SLC1A7: variants seen among roughly 807,000 people sequenced by gnomAD.
SLC1A7 encodes excitatory amino acid transporter 5.
In SLC1A7, 40 loss-of-function variants were observed where a neutral mutation model predicts 47.7. That is an observed-to-expected ratio of 0.84 (90% CI 0.65 to 1.09). The LOEUF is 1.09. Among genes scored for constraint, SLC1A7 ranks in the 50% least tolerant of loss-of-function variants. The pLI is 0.00. For missense variants in SLC1A7, 746 were observed against 769.5 expected, an observed-to-expected ratio of 0.97 and a Z score of 0.36; for synonymous variants, 323 against 325.6, an observed-to-expected ratio of 0.99 and a Z score of 0.09.
At chr1:53,092,905 G>A (rs916520924) in intron 6 of SLC1A7, 118 bp from the exon 7 acceptor site, 3 of 553,188 alleles carry the variant, frequency 5.4e-6, no homozygotes, top group Admixed American at 6.9e-5. Flanking sequence ...CGAGGACAGA[G>A]CGAGACTGCC....
At chr1:53,124,154 G>T (rs1679970) in intron 2 of SLC1A7, among the ~76,000 whole-genome samples, 150,102 of 152,324 alleles carry the variant, frequency 0.99, 73,996 homozygotes, top group Middle Eastern at 1. Context: ...GGAGAAGGGA[G>T]TGTTGAGTTT....
chr1:53,095,208 G>T (rs72670853), intron 5 of SLC1A7, among the ~76,000 whole-genome samples: 2 of 150,558 alleles, frequency 1.3e-5, no homozygotes, highest in African/African-American at 2.5e-5. Flanking sequence ...ACAGACGCAG[G>T]TGCACATAGA....
At chr1:53,119,507 C>A (rs1298195852) in intron 2 of SLC1A7, among the ~76,000 whole-genome samples, 1 of 152,110 alleles carries the variant, frequency 6.6e-6, no homozygotes, top group Non-Finnish European at 1.5e-5. Flanking sequence ...CGACACCATG[C>A]CTGGCTAATT....
At chr1:53,093,637 T>G in intron 5 of SLC1A7, 77 bp from the exon 6 acceptor site, 2 of 1,153,376 alleles carry the variant, frequency 1.7e-6, no homozygotes, top group Non-Finnish European at 2.5e-6. Context: ...CATGGCTGGC[T>G]TCCCAGCAGC....
chr1:53,105,792 A>C lies in SLC1A7; in HGVS notation c.432-18T>G, dbSNP rs1644634539. On this transcript the variant is annotated intron_variant, in intron 3 of 10. Coordinates refer to ENST00000371494, the MANE Select transcript of SLC1A7 (RefSeq NM_006671.6). ...ACATGTTCCTAGGAAGAGAATCAGCAATTGAAAAATTCCAGAGCCCAGGAC... is the reference window on the plus strand; with the variant it reads ...ACATGTTCCTAGGAAGAGAATCAGCCATTGAAAAATTCCAGAGCCCAGGAC... The C allele has an allele frequency of 1.9e-6, 3 of 1,611,944 alleles. No individual in the cohort carries two copies. Among genetic ancestry groups the C allele is most frequent in the African/African-American group, 2.7e-5 (2 of 74,750 alleles).
At chr1:53,133,294 A>C (rs1644959344) in intron 2 of SLC1A7, among the ~76,000 whole-genome samples, 1 of 152,224 alleles carries the variant, frequency 6.6e-6, no homozygotes, top group Non-Finnish European at 1.5e-5. Context: ...GAGTGAGTTG[A>C]GGAGTCAGGG....
intron 3 of SLC1A7, 110 bp downstream of exon 3, chr1:53,114,648 T>TGGACTCCGTGATCAC (rs1405540197): frequency 4.3e-4 from 382 of 885,576 alleles, no homozygotes; most frequent in Non-Finnish European, 6.2e-4. Context: ...AGGGTGATCA[T>TGGACTCCGTGATCAC]GGACTCCGTG....
At chr1:53,090,995 G>T in intron 7 of SLC1A7, 189 bp from the exon 8 acceptor site, 1 of 1,464,456 alleles carries the variant, frequency 6.8e-7, no homozygotes, top group Non-Finnish European at 9.1e-7. Flanking sequence ...TATGAGGGAG[G>T]TGTTTGGGTG....
At chr1:53,092,428 G>T in intron 7 of SLC1A7, 126 bp downstream of exon 7, 2 of 715,234 alleles carry the variant, frequency 2.8e-6, no homozygotes, top group Non-Finnish European at 4.8e-6. Context: ...AGCCGTCCCC[G>T]CATTTGTGAG....
intron 7 of SLC1A7, among the ~76,000 whole-genome samples, chr1:53,091,434 C>T (rs769917638): frequency 6.6e-6 from 1 of 152,244 alleles, no homozygotes; most frequent in Non-Finnish European, 1.5e-5. Context: ...GAGCTCCAGA[C>T]CTGCTGGGCT....
intron 7 of SLC1A7, 45 bp downstream of exon 7, chr1:53,092,509 C>T (rs1227951787): frequency 3.6e-6 from 5 of 1,399,570 alleles, no homozygotes; most frequent in East Asian, 4.7e-5. Context: ...GGACAGGGCT[C>T]AGCCCCTCCC....
intron 2 of SLC1A7, among the ~76,000 whole-genome samples, chr1:53,118,815 C>A (rs574583337): frequency 6.6e-6 from 1 of 152,020 alleles, no homozygotes; most frequent in Non-Finnish European, 1.5e-5. Flanking sequence ...CTGACCAACA[C>A]GGTGAAGCCC....
chr1:53,128,650 C>T (rs1186832027), intron 2 of SLC1A7, among the ~76,000 whole-genome samples: 1 of 142,546 alleles, frequency 7.0e-6, no homozygotes, highest in Non-Finnish European at 1.6e-5. Context: ...TCAGGTGAAG[C>T]AGGGCATGCT....
chr1:53,125,865 T>C (rs1488505115), intron 2 of SLC1A7, among the ~76,000 whole-genome samples: 4 of 152,184 alleles, frequency 2.6e-5, no homozygotes, highest in African/African-American at 9.7e-5. Context: ...AAGCTTCCAC[T>C]GAATGAAATA....
chr1:53,134,044 G>A (rs569442175), intron 2 of SLC1A7, among the ~76,000 whole-genome samples: 30 of 152,268 alleles, frequency 2.0e-4, no homozygotes, highest in African/African-American at 7.2e-4. Flanking sequence ...ACCATGAACA[G>A]CCCCTCCTCT....
chr1:53,095,750 G>A (rs568595181), intron 5 of SLC1A7, among the ~76,000 whole-genome samples: 2 of 143,656 alleles, frequency 1.4e-5, no homozygotes, highest in African/African-American at 5.3e-5. Flanking sequence ...CAACTGCCTC[G>A]GTACACTCAC....
At chr1:53,105,835 T>C (rs1644635082) in intron 3 of SLC1A7, 61 bp from the exon 4 acceptor site, 2 of 1,450,928 alleles carry the variant, frequency 1.4e-6, no homozygotes, top group Admixed American at 3.4e-5. Flanking sequence ...CCCTGGGGGT[T>C]GTGGCCTTGG....
intron 1 of SLC1A7, among the ~76,000 whole-genome samples, chr1:53,136,520 C>T (rs982144385): frequency 9.5e-6 from 1 of 105,552 alleles, no homozygotes; most frequent in Non-Finnish European, 2.0e-5. Flanking sequence ...TAACTTTAGT[C>T]CATATATTTA....
In SLC1A7 at chr1:53,103,512, G is replaced by A; in HGVS notation, c.531C>T (p.Ala177=). ...VKSPKVAPEE[A]PPRRILIYGV... ...CGTAGATGAGGATCCGCCGAGGAGG[G>A]GCCTCCTCTGGTGCCACCTTGGGGG... Residue 177 remains alanine (A), a synonymous_variant, in exon 5 of 11, where the codon GCC becomes GCT. Transcript: ENST00000371494. The A allele has an allele frequency of 6.2e-7, 1 of 1,612,244 alleles. No homozygotes were observed. Among genetic ancestry groups the A allele is most frequent in the Non-Finnish European group, 8.5e-7 (1 of 1,179,062 alleles).
Sources: gnomAD v4.1 joint callset for allele counts (sites outside exome capture counted in the v4.1 genomes callset) on GRCh38, gnomAD v4.1.1 for gene constraint, MANE v1.5 for transcripts, NCBI Gene and HGNC (gene_info 2026-07-23, HGNC 2026-07-21) for gene names.